TRIM44: variants seen among roughly 807,000 people sequenced by gnomAD.
TRIM44 encodes the protein tripartite motif-containing protein 44.
Under a neutral mutation model 37.4 loss-of-function variants are expected in TRIM44, and 13 were observed. The ratio of observed to expected loss-of-function variants is 0.35; its 90% CI spans 0.23 to 0.55. The LOEUF is 0.55. Among genes scored for constraint, TRIM44 ranks in the 20% least tolerant of loss-of-function variants. The pLI is 0.89. For missense variants in TRIM44, 426 were observed against 437.2 expected, an observed-to-expected ratio of 0.97 and a Z score of 0.23; for synonymous variants, 175 against 157.2, an observed-to-expected ratio of 1.11 and a Z score of -0.85.
intron 4 of TRIM44, among the ~76,000 whole-genome samples, chr11:35,804,363 G>T (rs1002403082): frequency 2.0e-5 from 3 of 152,196 alleles, no homozygotes; most frequent in Non-Finnish European, 4.4e-5. Context: ...TCCCAATTTG[G>T]CAAGAGAGTT....
At chr11:35,667,136 A>T (rs958904986) in intron 1 of TRIM44, among the ~76,000 whole-genome samples, 1 of 152,164 alleles carries the variant, frequency 6.6e-6, no homozygotes, top group Non-Finnish European at 1.5e-5. Context: ...TTATCAGTTT[A>T]AAAAAATTCT....
At chr11:35,805,542 G>T (rs1853436024) in intron 4 of TRIM44, among the ~76,000 whole-genome samples, 1 of 152,114 alleles carries the variant, frequency 6.6e-6, no homozygotes. Context: ...GAATAACCTG[G>T]CCAGGGCAGT....
At chr11:35,776,703 T>G (rs1852968358) in intron 4 of TRIM44, among the ~76,000 whole-genome samples, 1 of 152,240 alleles carries the variant, frequency 6.6e-6, no homozygotes, top group South Asian at 2.1e-4. Context: ...TGCCTTCATT[T>G]CGTTGTGCAC....
chr11:35,709,101 T>G (rs1363768695), intron 2 of TRIM44, among the ~76,000 whole-genome samples: 1 of 152,130 alleles, frequency 6.6e-6, no homozygotes, highest in Admixed American at 6.5e-5. Flanking sequence ...GTGCTGCAGT[T>G]TATTTCCTTT....
intron 4 of TRIM44, among the ~76,000 whole-genome samples, chr11:35,742,303 G>A (rs1019773595): frequency 2.7e-5 from 4 of 149,806 alleles, no homozygotes; most frequent in African/African-American, 9.8e-5. Flanking sequence ...TTATAAAGAA[G>A]CATTGAGTGC....
chr11:35,734,257 TA>T (rs1852302317), intron 3 of TRIM44, among the ~76,000 whole-genome samples: 1 of 152,216 alleles, frequency 6.6e-6, no homozygotes, highest in Non-Finnish European at 1.5e-5. Flanking sequence ...TAGCCTTTAT[TA>T]AATACATCCT....
At chr11:35,681,752 CT>C (rs572468159) in intron 1 of TRIM44, among the ~76,000 whole-genome samples, 16 of 152,140 alleles carry the variant, frequency 1.1e-4, no homozygotes, top group Non-Finnish European at 1.2e-4. Context: ...GTTCCACTAT[CT>C]TTTCTGTTCA....
At chr11:35,677,260 T>C (rs896304956) in intron 1 of TRIM44, among the ~76,000 whole-genome samples, 1 of 152,184 alleles carries the variant, frequency 6.6e-6, no homozygotes, top group Non-Finnish European at 1.5e-5. Context: ...CTCCCTCTCA[T>C]ATTTAATCTA....
chr11:35,708,767 G>A (rs1470007806), intron 2 of TRIM44, among the ~76,000 whole-genome samples: 2 of 152,084 alleles, frequency 1.3e-5, no homozygotes, highest in East Asian at 3.9e-4. Flanking sequence ...GTTGTGGGGT[G>A]TGGGGAGGAG....
chr11:35,759,713 C>T (rs542721327), intron 4 of TRIM44, among the ~76,000 whole-genome samples: 5 of 152,316 alleles, frequency 3.3e-5, no homozygotes, highest in African/African-American at 4.8e-5. Flanking sequence ...TTCCTTCTAA[C>T]AGTCAGGACC....
At chr11:35,764,256 C>T (rs922089623) in intron 4 of TRIM44, among the ~76,000 whole-genome samples, 2 of 152,182 alleles carry the variant, frequency 1.3e-5, no homozygotes, top group Admixed American at 6.5e-5. Flanking sequence ...TTTTCTTTTG[C>T]TTTCTTTGAT....
chr11:35,781,806 T>C (rs1445474271), intron 4 of TRIM44, among the ~76,000 whole-genome samples: 2 of 152,220 alleles, frequency 1.3e-5, no homozygotes, highest in Admixed American at 6.5e-5. Flanking sequence ...GTGGAATAAC[T>C]TTTAAAATGA....
chr11:35,704,611 A>C (rs1246423829), intron 2 of TRIM44, among the ~76,000 whole-genome samples: 1 of 152,222 alleles, frequency 6.6e-6, no homozygotes, highest in Non-Finnish European at 1.5e-5. Context: ...AATATTCAAC[A>C]TTCTTAAAGA....
rs1853555237 is a variant in TRIM44, at chr11:35,814,066, A to T, written c.*7681A>T. 1 of 152,236 alleles carries T rather than the reference A, an allele frequency of 6.6e-6. No homozygotes were observed. The allele number at this position is 152,236 out of a possible 1,614,324, so 9.4% of individuals were successfully genotyped here. A position where few individuals can be genotyped will look rare whatever the true frequency, so the allele number is the denominator to read the frequency against. ...CTGCTACCATAAAAGTCACTTAAGC[A>T]TCCCTGTTAGTTCTAAGCCCCTGTC... On this transcript the variant is annotated 3_prime_UTR_variant, in exon 5 of 5. Coordinates refer to ENST00000299413, the MANE Select transcript of TRIM44 (RefSeq NM_017583.6).
chr11:35,796,214 C>CTG (rs543400596), intron 4 of TRIM44, among the ~76,000 whole-genome samples: 147 of 152,132 alleles, frequency 9.7e-4, no homozygotes, highest in African/African-American at 3.1e-3. Flanking sequence ...GAACTGTTTT[C>CTG]TGTGTGTGTG....
intron 4 of TRIM44, among the ~76,000 whole-genome samples, chr11:35,785,520 G>T (rs1853120378): frequency 6.6e-6 from 1 of 152,206 alleles, no homozygotes; most frequent in South Asian, 2.1e-4. Context: ...ATTGTAGGAG[G>T]CTAAAACCTG....
chr11:35,773,579 G>A (rs536849169), intron 4 of TRIM44, among the ~76,000 whole-genome samples: 9 of 152,018 alleles, frequency 5.9e-5, no homozygotes, highest in South Asian at 4.2e-4. Flanking sequence ...CCATTAACTC[G>A]TCATTTACAT....
intron 2 of TRIM44, among the ~76,000 whole-genome samples, chr11:35,699,302 G>A (rs779813977): frequency 2.6e-5 from 4 of 151,960 alleles, no homozygotes; most frequent in African/African-American, 7.2e-5. Context: ...TTCAACATAC[G>A]CAAATCAATA....
rs758036378 is a variant in TRIM44 at position 35,814,390 on chromosome 11, A to G, written c.*8005A>G. The G allele has an allele frequency of 2.0e-5, 3 of 152,222 alleles. No individual in the cohort carries two copies. Among genetic ancestry groups the G allele is most frequent in the Non-Finnish European group, 4.4e-5 (3 of 68,032 alleles). The allele number at this position is 152,222 out of a possible 1,614,324, so 9.4% of individuals were successfully genotyped here. ...CCAGGGCCACTTTTGACCTTAATCC[A>G]TGTTGGAGCCATCAATCAAAGAATT... is the stretch of plus-strand genomic sequence containing the variant. On this transcript the variant is annotated 3_prime_UTR_variant, in exon 5 of 5. Transcript: ENST00000299413.
Sources: gnomAD v4.1 joint callset for allele counts (sites outside exome capture counted in the v4.1 genomes callset) on GRCh38, gnomAD v4.1.1 for gene constraint, MANE v1.5 for transcripts, NCBI Gene and HGNC (gene_info 2026-07-23, HGNC 2026-07-21) for gene names.